SCAPER: variants seen among roughly 807,000 people sequenced by gnomAD.
SCAPER encodes the protein S phase cyclin A-associated protein in the endoplasmic reticulum.
In SCAPER, 98 loss-of-function variants were observed where a neutral mutation model predicts 182.2. The ratio of observed to expected loss-of-function variants is 0.54; its 90% CI spans 0.46 to 0.64. The LOEUF (loss-of-function observed/expected upper bound fraction) is 0.64, where lower values mean the gene tolerates loss of function less well. Among genes scored for constraint, SCAPER ranks in the 30% least tolerant of loss-of-function variants. The pLI, the probability that SCAPER is intolerant of heterozygous loss-of-function variation, is 0.00. For synonymous variants in SCAPER, 605 were observed against 564.6 expected (o/e 1.07, Z -1.01); for missense variants, 1,432 against 1,690.0 (o/e 0.85, Z 2.68).
intron 17 of SCAPER, among the ~76,000 whole-genome samples, chr15:76,725,690 C>T (rs1017588802): frequency 3.3e-5 from 5 of 152,082 alleles, no homozygotes; most frequent in African/African-American, 1.2e-4. Flanking sequence ...GAAATACAGC[C>T]ATTGTATGTA....
intron 25 of SCAPER, among the ~76,000 whole-genome samples, chr15:76,464,830 T>G (rs143926035): frequency 6.6e-4 from 100 of 152,226 alleles, no homozygotes; most frequent in African/African-American, 2.2e-3. Context: ...TTCCATACTT[T>G]TTTCCTTAGT....
rs140071625 is a variant in SCAPER at position 76,844,898 on chromosome 15, A to G, written c.196-2967T>C. ...TATTATTCTGATACCAAAATCAGAC[A>G]GACACATCAAAAAAAACAAAAATAC... On this transcript the variant is annotated intron_variant, in intron 4 of 31. Transcript: ENST00000563290. Among the ~76,000 whole-genome samples, 352 of 152,292 alleles carry G rather than the reference A, an allele frequency of 2.3e-3. 1 individual carries two copies. Among genetic ancestry groups the G allele is most frequent in the African/African-American group, 8.0e-3 (334 of 41,574 alleles).
chr15:76,798,358 T>A (rs1476829223), intron 7 of SCAPER, among the ~76,000 whole-genome samples: 2 of 129,482 alleles, frequency 1.5e-5, no homozygotes, highest in Non-Finnish European at 3.2e-5. Context: ...AGACTATATC[T>A]TAAAAAAAAA....
At chr15:76,409,519 A>G (rs1380910907) in intron 26 of SCAPER, among the ~76,000 whole-genome samples, 1 of 151,958 alleles carries the variant, frequency 6.6e-6, no homozygotes, top group Non-Finnish European at 1.5e-5. Flanking sequence ...GTGTGTGTGT[A>G]TACGATGTTC....
intron 17 of SCAPER, among the ~76,000 whole-genome samples, chr15:76,707,340 G>A (rs979367763): frequency 6.6e-6 from 1 of 151,906 alleles, no homozygotes; most frequent in Non-Finnish European, 1.5e-5. Flanking sequence ...GCAGAAATGA[G>A]CAAACCAGAT....
chr15:76,638,417 G>A (rs2053825694), intron 21 of SCAPER, among the ~76,000 whole-genome samples: 2 of 152,006 alleles, frequency 1.3e-5, no homozygotes, highest in Admixed American at 1.3e-4. Flanking sequence ...ACATGGCAGT[G>A]GCAGACACAT....
rs71143333 is a variant in SCAPER, at chr15:76,488,714, CTTTTTTTTTTTTTTTT to C, written c.2954+16129_2954+16144del. Among the ~76,000 whole-genome samples the C allele has an allele frequency of 6.4e-5, 6 of 93,142 alleles. 1 individual carries two copies. The highest frequency in any genetic ancestry group is 2.9e-4 in the African/African-American group (6 of 20,912). 61.1% of individuals were successfully genotyped at this position (93,142 alleles called of 152,430 possible). A position where few individuals can be genotyped will look rare whatever the true frequency, so the allele number is the denominator to read the frequency against. On this transcript the variant is annotated intron_variant, in intron 24 of 31. Transcript: ENST00000563290. ...TTGCATCCTGATAACAGTACACTGC[CTTTTTTTTTTTTTTTT>C]TTTTTTTTTTTTTGAGACGGAGTCT...
chr15:76,495,136 C>T, intron 24 of SCAPER, among the ~76,000 whole-genome samples: 1 of 152,152 alleles, frequency 6.6e-6, no homozygotes, highest in East Asian at 1.9e-4. Flanking sequence ...AATCTCAACA[C>T]TGTGGCTTTT....
chr15:76,513,318 G>A (rs957092595), intron 23 of SCAPER, among the ~76,000 whole-genome samples: 1 of 152,130 alleles, frequency 6.6e-6, no homozygotes, highest in African/African-American at 2.4e-5. Context: ...ATATAACAAG[G>A]AGAAATACTG....
chr15:76,783,694 A>G (rs1196712178), intron 8 of SCAPER, among the ~76,000 whole-genome samples: 1 of 152,214 alleles, frequency 6.6e-6, no homozygotes, highest in African/African-American at 2.4e-5. Flanking sequence ...CACCACCATC[A>G]AGTTGGCTTC....
intron 25 of SCAPER, among the ~76,000 whole-genome samples, chr15:76,459,796 A>C (rs941388639): frequency 1.3e-5 from 2 of 152,032 alleles, no homozygotes; most frequent in Non-Finnish European, 2.9e-5. Context: ...TAGCAGTTTT[A>C]TAATTTTAGT....
intron 26 of SCAPER, among the ~76,000 whole-genome samples, chr15:76,425,912 A>G (rs1008456890): frequency 2.0e-5 from 3 of 152,212 alleles, no homozygotes; most frequent in African/African-American, 7.2e-5. Flanking sequence ...TCAGCAGCGG[A>G]GGCTGCAGAA....
chr15:76,763,030 G>T (rs562100376), intron 14 of SCAPER, among the ~76,000 whole-genome samples: 1 of 152,222 alleles, frequency 6.6e-6, no homozygotes, highest in Admixed American at 6.5e-5. Flanking sequence ...TTCTATATTT[G>T]ACTGTACATT....
chr15:76,420,380 T>C (rs1288707988), intron 26 of SCAPER, among the ~76,000 whole-genome samples: 3 of 151,844 alleles, frequency 2.0e-5, no homozygotes, highest in Non-Finnish European at 4.4e-5. Context: ...GCCTGGCACA[T>C]GATCTTACAT....
chr15:76,765,558 A>G lies in SCAPER; in HGVS notation c.1495+5T>C, dbSNP rs751499004. ...CTACACACCCAATATGCATATACAC[A>G]ATACCTTCATAATCTGCAAGGACAT... is the stretch of plus-strand genomic sequence containing the variant. On this transcript the variant is annotated splice_donor_5th_base_variant and intron_variant, in intron 12 of 31. Transcript: ENST00000563290. The G allele has an allele frequency of 6.3e-7, 1 of 1,599,940 alleles. No individual in the cohort carries two copies. Among genetic ancestry groups the G allele is most frequent in the South Asian group, 1.1e-5 (1 of 89,042 alleles).
chr15:76,467,444 T>G lies in SCAPER; in HGVS notation c.3078+3768A>C, dbSNP rs1226372165. On this transcript the variant is annotated intron_variant, in intron 25 of 31. Transcript: ENST00000563290. ...GAGAAGCTGAGAGTTGGGGTGTCTT[T>G]TTTTTTTTTTTTTAAAGACAGGATC... Among the ~76,000 whole-genome samples the G allele has an allele frequency of 2.6e-4, 37 of 144,276 alleles. No homozygotes were observed. The East Asian group carries it at 7.1e-3, about 28-fold the overall frequency. 94.7% of individuals were successfully genotyped at this position (144,276 alleles called of 152,430 possible).
intron 22 of SCAPER, among the ~76,000 whole-genome samples, chr15:76,616,272 G>C (rs1421623654): frequency 6.6e-6 from 1 of 152,142 alleles, no homozygotes; most frequent in East Asian, 1.9e-4. Context: ...ACATATAGTG[G>C]AGTATTATTC....
chr15:76,607,110 C>A (rs1467299394), intron 22 of SCAPER, among the ~76,000 whole-genome samples: 4 of 152,068 alleles, frequency 2.6e-5, no homozygotes, highest in Non-Finnish European at 4.4e-5. Flanking sequence ...TCTTCCTAGC[C>A]TTGATGGTCT....
intron 26 of SCAPER, among the ~76,000 whole-genome samples, chr15:76,421,303 G>A (rs1166885155): frequency 1.3e-5 from 2 of 152,126 alleles, no homozygotes; most frequent in African/African-American, 2.4e-5. Flanking sequence ...ACTTTTTAAT[G>A]ATCGCCATTC....
Sources: gnomAD v4.1 joint callset for allele counts (sites outside exome capture counted in the v4.1 genomes callset) on GRCh38, gnomAD v4.1.1 for gene constraint, MANE v1.5 for transcripts, NCBI Gene and HGNC (gene_info 2026-07-23, HGNC 2026-07-21) for gene names.